CDH8: variants seen among roughly 807,000 people sequenced by gnomAD.
CDH8 encodes the protein cadherin-8.
In CDH8, 17 loss-of-function variants were observed where a neutral mutation model predicts 68.1. The ratio of observed to expected loss-of-function variants is 0.25; its 90% CI spans 0.17 to 0.37. CDH8 has a LOEUF of 0.37. Ranked by LOEUF, CDH8 falls within the 10% of genes least tolerant of loss-of-function variation. The pLI is 1.00. For missense variants in CDH8, 763 were observed against 999.3 expected (o/e 0.76, Z 3.19); for synonymous variants, 372 against 365.1 (o/e 1.02, Z -0.21).
intron 4 of CDH8, among the ~76,000 whole-genome samples, chr16:61,834,484 T>C (rs773903412): frequency 3.9e-5 from 6 of 151,962 alleles, no homozygotes; most frequent in Admixed American, 1.3e-4. Flanking sequence ...GTAGATATTT[T>C]ATTCATTTCA....
chr16:62,012,475 A>G (rs1901836629), intron 2 of CDH8, among the ~76,000 whole-genome samples: 2 of 152,200 alleles, frequency 1.3e-5, no homozygotes, highest in African/African-American at 4.8e-5. Flanking sequence ...ACAAGTGTTT[A>G]GCAGAGGTGT....
intron 3 of CDH8, among the ~76,000 whole-genome samples, chr16:61,883,615 G>A (rs1963618132): frequency 6.6e-6 from 1 of 150,830 alleles, no homozygotes; most frequent in African/African-American, 2.4e-5. Context: ...AACAAGTATA[G>A]CAGTTTTTCT....
chr16:61,725,371 AG>A (rs1959323040), intron 9 of CDH8: 1 of 150,922 alleles, frequency 6.6e-6, no homozygotes, highest in South Asian at 2.1e-4. Flanking sequence ...CAATAACGCA[AG>A]TGAAGCCAAT....
intron 8 of CDH8, among the ~76,000 whole-genome samples, chr16:61,775,337 G>A (rs745639718): frequency 1.3e-5 from 2 of 152,110 alleles, no homozygotes; most frequent in Admixed American, 6.5e-5. Flanking sequence ...GCATTATCCT[G>A]AGAAGAACAT....
At chr16:61,665,133 T>C (rs899257673) in intron 10 of CDH8, among the ~76,000 whole-genome samples, 3 of 151,858 alleles carry the variant, frequency 2.0e-5, no homozygotes, top group African/African-American at 7.3e-5. Flanking sequence ...AGAGAAATAG[T>C]GTCCTTATAA....
intron 2 of CDH8, among the ~76,000 whole-genome samples, chr16:61,921,788 T>C (rs1964372364): frequency 6.6e-6 from 1 of 152,136 alleles, no homozygotes; most frequent in African/African-American, 2.4e-5. Context: ...TTCCAGCACT[T>C]TGGGAGGCTG....
intron 7 of CDH8, among the ~76,000 whole-genome samples, chr16:61,815,564 C>T (rs1413162581): frequency 6.6e-6 from 1 of 152,132 alleles, no homozygotes; most frequent in East Asian, 1.9e-4. Flanking sequence ...CCCACTGGTA[C>T]CATGTAGTCC....
At chr16:61,733,551 A>G (rs1959595101) in intron 8 of CDH8, among the ~76,000 whole-genome samples, 1 of 152,210 alleles carries the variant, frequency 6.6e-6, no homozygotes, top group Middle Eastern at 3.4e-3. Flanking sequence ...GTAAAAAGAC[A>G]CTGACAGAAT....
chr16:61,864,699 A>T (rs1262199135), intron 3 of CDH8, among the ~76,000 whole-genome samples: 1 of 152,116 alleles, frequency 6.6e-6, no homozygotes, highest in Non-Finnish European at 1.5e-5. Context: ...TTAACCCTGG[A>T]TATGGAGATT....
intron 10 of CDH8, among the ~76,000 whole-genome samples, chr16:61,662,967 ACT>A (rs1180076576): frequency 6.6e-6 from 1 of 151,888 alleles, no homozygotes; most frequent in African/African-American, 2.4e-5. Flanking sequence ...AAAAAGAAAA[ACT>A]CAATTTTCAG....
intron 2 of CDH8, among the ~76,000 whole-genome samples, chr16:61,960,563 T>G (rs1435563829): frequency 2.0e-5 from 3 of 152,172 alleles, no homozygotes; most frequent in Non-Finnish European, 2.9e-5. Flanking sequence ...CGGGGAATAT[T>G]GAGCCCATAA....
At chr16:61,909,987 GC>G (rs1466929352) in intron 2 of CDH8, among the ~76,000 whole-genome samples, 1 of 152,096 alleles carries the variant, frequency 6.6e-6, no homozygotes, top group Non-Finnish European at 1.5e-5. Context: ...ACATGTGTCA[GC>G]CCTATAGCAA....
chr16:61,817,393 G>C lies in CDH8; in HGVS notation c.1277+86C>G. 4 of 1,310,826 alleles carry C rather than the reference G, an allele frequency of 3.1e-6. No individual in the cohort carries two copies. The South Asian group carries it at 3.6e-5, about 12-fold the overall frequency. The allele number at this position is 1,310,826 out of a possible 1,614,324, so 81.2% of individuals were successfully genotyped here. On this transcript the variant is annotated intron_variant, in intron 7 of 11. Transcript: ENST00000577390. ...TCATGTGAGCATAGTCCCAAGGAGAGCCCCACAGAAGGTACAAGCAAAGGC... is the reference window on the plus strand; with the variant it reads ...TCATGTGAGCATAGTCCCAAGGAGACCCCCACAGAAGGTACAAGCAAAGGC...
chr16:61,750,477 T>C (rs1400938750), intron 8 of CDH8, among the ~76,000 whole-genome samples: 1 of 152,154 alleles, frequency 6.6e-6, no homozygotes, highest in Non-Finnish European at 1.5e-5. Flanking sequence ...ATCTCAGGGT[T>C]GACTCAGTGA....
At chr16:62,018,775 T>G (rs572649123) in intron 2 of CDH8, among the ~76,000 whole-genome samples, 1 of 152,294 alleles carries the variant, frequency 6.6e-6, no homozygotes, top group Non-Finnish European at 1.5e-5. Context: ...TCACTAAGAC[T>G]CAAAAGCATT....
chr16:61,948,364 A>G (rs906442602), intron 2 of CDH8, among the ~76,000 whole-genome samples: 2 of 152,188 alleles, frequency 1.3e-5, no homozygotes, highest in Non-Finnish European at 2.9e-5. Context: ...ATCATCTAGA[A>G]CAGTGCCTCC....
At chr16:61,803,648 A>G (rs568738971) in intron 7 of CDH8, among the ~76,000 whole-genome samples, 36 of 151,788 alleles carry the variant, frequency 2.4e-4, no homozygotes, top group African/African-American at 8.2e-4. Context: ...GAAAACAAAA[A>G]AAAGGCAGGG....
intron 7 of CDH8, among the ~76,000 whole-genome samples, chr16:61,803,673 A>G (rs1349404239): frequency 1.1e-4 from 17 of 151,144 alleles, no homozygotes; most frequent in African/African-American, 3.9e-4. Flanking sequence ...CAATCCTAGT[A>G]TCTGATAAAA....
At chr16:61,727,274 A>T in intron 8 of CDH8, 59 bp from the exon 9 acceptor site, 1 of 1,512,676 alleles carries the variant, frequency 6.6e-7, no homozygotes, top group Non-Finnish European at 8.9e-7. Context: ...CGTGCAACTC[A>T]ACTTTCTCTT....
Sources: allele counts gnomAD v4.1 joint callset (sites outside exome capture counted in the v4.1 genomes callset), GRCh38; gene constraint gnomAD v4.1.1; transcripts MANE v1.5; gene names NCBI Gene and HGNC (gene_info 2026-07-23, HGNC 2026-07-21).